The following UBAP2 variants were observed in gnomAD, a reference collection of about 807,000 sequenced individuals.
UBAP2 encodes the protein ubiquitin associated protein 2, also known as ubiquitin-associated protein 2.
A neutral mutation model predicts 139.6 loss-of-function variants in UBAP2; 75 were observed. That is an observed-to-expected ratio of 0.54 (90% CI 0.45 to 0.65). The LOEUF (loss-of-function observed/expected upper bound fraction) is 0.65. UBAP2 is among the 30% of genes least tolerant of loss of function. The probability of loss-of-function intolerance (pLI) is 0.00; values close to 1 mark genes in which losing one functional copy is unlikely to be tolerated. For synonymous variants in UBAP2, 526 were observed against 526.2 expected (o/e 1.00, Z 0.01); for missense variants, 1,368 against 1,369.6 (o/e 1.00, Z 0.02).
At chr9:33,969,375 T>C (rs1827720077) in intron 8 of UBAP2, among the ~76,000 whole-genome samples, 1 of 152,022 alleles carries the variant, frequency 6.6e-6, no homozygotes. Context: ...TGCAAAATCT[T>C]ATCTCTACAA....
At chr9:33,975,446 A>C (rs1587595270) in intron 6 of UBAP2, among the ~76,000 whole-genome samples, 1 of 122,604 alleles carries the variant, frequency 8.2e-6, no homozygotes. Context: ...AAAAAAAAAC[A>C]AAAAAAAAAC....
intron 2 of UBAP2, among the ~76,000 whole-genome samples, chr9:34,005,541 G>A (rs1343901103): frequency 6.6e-6 from 1 of 151,224 alleles, no homozygotes; most frequent in Admixed American, 6.6e-5. Flanking sequence ...TTTAAAGAAA[G>A]TCCTATCACA....
rs142753545 is a variant in UBAP2 at position 33,983,617 on chromosome 9, A to G, written c.520+3143T>C. Among the ~76,000 whole-genome samples, 586 of 152,300 alleles carry G rather than the reference A, an allele frequency of 3.8e-3. 3 individuals carry two copies. Among genetic ancestry groups the G allele is most frequent in the African/African-American group, 0.013 (531 of 41,560 alleles). The stretch of plus-strand genomic sequence containing the variant: ...TGAGACACAGTAAAATTTAGGGGTC[A>G]ATAAAGTCATTTTATTCTTTCTTTT... On this transcript the variant is annotated intron_variant, in intron 6 of 28. Transcript: ENST00000379238.
At chr9:33,986,131 CA>C (rs961209390) in intron 6 of UBAP2, among the ~76,000 whole-genome samples, 3 of 151,546 alleles carry the variant, frequency 2.0e-5, no homozygotes, top group African/African-American at 7.3e-5. Context: ...CGGCTCACTG[CA>C]ACCTCCACCT....
At chr9:33,968,721 AAC>A (rs1827666448) in intron 8 of UBAP2, among the ~76,000 whole-genome samples, 1 of 152,220 alleles carries the variant, frequency 6.6e-6, no homozygotes, top group Non-Finnish European at 1.5e-5. Context: ...ATCCTTTTAC[AAC>A]AGACAGTTGA....
rs1254090903 is a variant in UBAP2, at chr9:33,960,853, C to T, written c.771G>A (p.Glu257=). The change falls in exon 10 of 29, where the codon GAG becomes GAA. Residue 257 remains glutamate (E), a synonymous_variant. Transcript: ENST00000379238. The part of the protein sequence containing the change: ...LKGAWKNSVE[E]WTTEDWTEDL... The stretch of plus-strand genomic sequence containing the variant: ...CTTCAGTCCAGTCTTCTGTTGTCCA[C>T]TCTTCCACAGAATTCTTCCAAGCCC... 2 of 1,613,848 alleles carry T rather than the reference C, an allele frequency of 1.2e-6. No homozygotes were observed. The highest frequency in any genetic ancestry group is 1.1e-5 in the South Asian group (1 of 91,064).
At chr9:34,035,421 G>A (rs1032948235) in intron 1 of UBAP2, among the ~76,000 whole-genome samples, 1 of 148,270 alleles carries the variant, frequency 6.7e-6, no homozygotes, top group African/African-American at 2.5e-5. Flanking sequence ...AGAACAGCTT[G>A]AACCTGGGAG....
intron 4 of UBAP2, among the ~76,000 whole-genome samples, chr9:33,993,374 C>T (rs540902733): frequency 5.3e-5 from 8 of 152,278 alleles, no homozygotes; most frequent in African/African-American, 1.9e-4. Flanking sequence ...ATAGGTGCTG[C>T]AGATGGCAAC....
At chr9:34,020,308 A>C (rs1824817155) in intron 1 of UBAP2, among the ~76,000 whole-genome samples, 2 of 151,774 alleles carry the variant, frequency 1.3e-5, no homozygotes, top group African/African-American at 4.8e-5. Flanking sequence ...TCCAATGATA[A>C]CAATGCAGAG....
intron 7 of UBAP2, among the ~76,000 whole-genome samples, chr9:33,972,512 G>C (rs1414194350): frequency 1.3e-5 from 2 of 152,222 alleles, no homozygotes; most frequent in Admixed American, 1.3e-4. Flanking sequence ...AGTGCTGCCT[G>C]AAGTTAGAGA....
At chr9:33,984,567 G>A (rs1207911065) in intron 6 of UBAP2, among the ~76,000 whole-genome samples, 1 of 151,570 alleles carries the variant, frequency 6.6e-6, no homozygotes, top group Non-Finnish European at 1.5e-5. Flanking sequence ...AGTCCCAGCT[G>A]CTCAGGAGGC....
At chr9:33,960,613 T>TA (rs928788739) in intron 10 of UBAP2, among the ~76,000 whole-genome samples, 222 of 148,650 alleles carry the variant, frequency 1.5e-3, no homozygotes, top group African/African-American at 4.3e-3. Context: ...TCGTCTCTAC[T>TA]AAAAAAAAAA....
chr9:34,030,291 A>G (rs777466848), intron 1 of UBAP2, among the ~76,000 whole-genome samples: 1 of 151,616 alleles, frequency 6.6e-6, no homozygotes, highest in Non-Finnish European at 1.5e-5. Context: ...TAAAAATACA[A>G]AAACAAAATT....
At chr9:34,006,610 A>G (rs1411910783) in intron 2 of UBAP2, among the ~76,000 whole-genome samples, 1 of 152,118 alleles carries the variant, frequency 6.6e-6, no homozygotes, top group Non-Finnish European at 1.5e-5. Flanking sequence ...CAGGAGGTCA[A>G]GGGAGAAGGG....
rs1471618445 is a variant in UBAP2, at chr9:34,048,087, G to A, written c.-42+738C>T. On this transcript the variant is annotated intron_variant, in intron 1 of 28. Transcript: ENST00000379238. ...AACTAATTAGACTAAAAACTCAGGG[G>A]AAAATGTGGAAAAGCCGAGTGGGAA... is the stretch of plus-strand genomic sequence containing the variant. Among the ~76,000 whole-genome samples the A allele has an allele frequency of 2.6e-5, 4 of 152,152 alleles. No homozygotes were observed. The South Asian group carries it at 6.2e-4, about 24-fold the overall frequency.
chr9:33,971,494 G>A (rs1179052462), intron 8 of UBAP2, among the ~76,000 whole-genome samples, 157 bp downstream of exon 8: 4 of 152,174 alleles, frequency 2.6e-5, no homozygotes, highest in Admixed American at 6.6e-5. Flanking sequence ...GACTTTGGGT[G>A]GTAAGAACCA....
chr9:34,041,494 C>T (rs932593971), intron 1 of UBAP2, among the ~76,000 whole-genome samples: 6 of 150,442 alleles, frequency 4.0e-5, no homozygotes, highest in African/African-American at 1.2e-4. Context: ...AACAAGAGTC[C>T]ATGACCAGCC....
intron 22 of UBAP2, among the ~76,000 whole-genome samples, chr9:33,925,797 A>G (rs944831523): frequency 6.6e-6 from 1 of 152,220 alleles, no homozygotes; most frequent in Non-Finnish European, 1.5e-5. Flanking sequence ...CAAGGGAGAA[A>G]GCCTCTTCCT....
At chr9:33,957,841 T>G (rs542071358) in intron 10 of UBAP2, among the ~76,000 whole-genome samples, 3 of 152,142 alleles carry the variant, frequency 2.0e-5, no homozygotes, top group Non-Finnish European at 4.4e-5. Context: ...GAGGAGACAG[T>G]AGGTGTTCAT....
Sources: allele counts gnomAD v4.1 joint callset (sites outside exome capture counted in the v4.1 genomes callset), GRCh38; gene constraint gnomAD v4.1.1; transcripts MANE v1.5; gene names NCBI Gene and HGNC (gene_info 2026-07-23, HGNC 2026-07-21).